Variants in CCDC141 observed in about 807,000 individuals in gnomAD.
CCDC141 encodes the protein coiled-coil domain containing 141.
In CCDC141, 168 loss-of-function variants were observed where a neutral mutation model predicts 181.0. The ratio of observed to expected loss-of-function variants is 0.93; its 90% confidence interval spans 0.82 to 1.05. The LOEUF is 1.05. Among genes scored for constraint, CCDC141 ranks in the 50% least tolerant of loss-of-function variants. The probability of loss-of-function intolerance (pLI) is 0.00; values close to 1 mark genes in which losing one functional copy is unlikely to be tolerated. For synonymous variants in CCDC141, 666 were observed against 642.3 expected (o/e 1.04, Z -0.56); for missense variants, 1,902 against 1,788.5 (o/e 1.06, Z -1.14).
chr2:178,881,955 ACACAC>A (rs1278224811), intron 11 of CCDC141, among the ~76,000 whole-genome samples: 2 of 149,618 alleles, frequency 1.3e-5, no homozygotes, highest in South Asian at 2.1e-4. Context: ...ACACACACAC[ACACAC>A]ACCAGTCTAC....
intron 6 of CCDC141, among the ~76,000 whole-genome samples, chr2:178,919,556 A>G (rs2154374695): frequency 6.6e-6 from 1 of 152,188 alleles, no homozygotes; most frequent in Non-Finnish European, 1.5e-5. Context: ...CTAAAAATAT[A>G]CCCCCTATAC....
At chr2:178,846,936 T>C (rs1438339510) in intron 21 of CCDC141, among the ~76,000 whole-genome samples, 1 of 152,210 alleles carries the variant, frequency 6.6e-6, no homozygotes, top group Non-Finnish European at 1.5e-5. Flanking sequence ...CCATTTTCTA[T>C]AACTTTGAAA....
intron 2 of CCDC141, among the ~76,000 whole-genome samples, chr2:178,981,636 G>GTGTGTGTATATATA (rs1313433628): frequency 1.6e-5 from 1 of 62,404 alleles, no homozygotes; most frequent in Non-Finnish European, 3.2e-5. Flanking sequence ...GTGTGTGTGT[G>GTGTGTGTATATATA]TATATATATA....
chr2:178,892,918 T>C (rs1460878748), intron 8 of CCDC141, among the ~76,000 whole-genome samples: 2 of 152,154 alleles, frequency 1.3e-5, no homozygotes, highest in African/African-American at 4.8e-5. Flanking sequence ...TGCAGCCTGA[T>C]TGGGTGGGAG....
chr2:179,019,178 G>A (rs1053787198), intron 2 of CCDC141, among the ~76,000 whole-genome samples: 1 of 151,986 alleles, frequency 6.6e-6, no homozygotes, highest in African/African-American at 2.4e-5. Flanking sequence ...AAGTCTTTTT[G>A]GTTCCCAACA....
rs544234087 is a variant in CCDC141 at position 179,005,022 on chromosome 2, G to A, written c.226-26347C>T. On this transcript the variant is annotated intron_variant, in intron 2 of 23. Coordinates refer to ENST00000443758, the MANE Select transcript of CCDC141 (RefSeq NM_173648.4). Reference sequence around the variant, plus strand: ...GCTGGGATTACTGGCATGAGCCACCGCCCCCGGCCTAAAGACTAAATTCTT... The same window carrying A: ...GCTGGGATTACTGGCATGAGCCACCACCCCCGGCCTAAAGACTAAATTCTT... 3.2e-4 allele frequency among the ~76,000 whole-genome samples: 49 copies of A among 152,180 alleles called. 1 individual carries two copies. In the South Asian group the frequency reaches 5.2e-3, roughly 16 times the overall value.
At chr2:179,044,537 G>T (rs2043422164) in intron 2 of CCDC141, among the ~76,000 whole-genome samples, 1 of 152,196 alleles carries the variant, frequency 6.6e-6, no homozygotes, top group Non-Finnish European at 1.5e-5. Flanking sequence ...CCTGGATGGA[G>T]TAGGGATGAA....
intron 2 of CCDC141, among the ~76,000 whole-genome samples, chr2:178,988,921 AG>A (rs1691893527): frequency 1.3e-5 from 2 of 152,200 alleles, no homozygotes. Context: ...GTCTCAAACT[AG>A]TGGAACTAGA....
At chr2:178,983,288 T>G (rs1479978187) in intron 2 of CCDC141, among the ~76,000 whole-genome samples, 37 of 152,174 alleles carry the variant, frequency 2.4e-4, no homozygotes, top group East Asian at 1.4e-3. Flanking sequence ...CAAACAGAAA[T>G]GACATCCACA....
chr2:178,826,072 T>C (rs1684121053), downstream of CCDC141, among the ~76,000 whole-genome samples: 1 of 152,226 alleles, frequency 6.6e-6, no homozygotes, highest in African/African-American at 2.4e-5. Flanking sequence ...TTATAAATGT[T>C]CTTTATCAAG....
chr2:178,925,466 A>G (rs1184173374), intron 6 of CCDC141, among the ~76,000 whole-genome samples: 1 of 152,230 alleles, frequency 6.6e-6, no homozygotes, highest in Non-Finnish European at 1.5e-5. Flanking sequence ...AAATCACAAC[A>G]CACTGTGCTC....
chr2:178,953,174 C>A (rs557346445), intron 5 of CCDC141, among the ~76,000 whole-genome samples: 1 of 152,220 alleles, frequency 6.6e-6, no homozygotes, highest in South Asian at 2.1e-4. Flanking sequence ...TGGTGGCTCA[C>A]GCCTATAATC....
chr2:179,004,154 T>C (rs1236656442), intron 2 of CCDC141, among the ~76,000 whole-genome samples: 2 of 152,154 alleles, frequency 1.3e-5, no homozygotes, highest in African/African-American at 4.8e-5. Flanking sequence ...CATGTTAAAA[T>C]AAGAATGAAA....
At chr2:178,841,367 G>A (rs1684709753) in intron 22 of CCDC141, among the ~76,000 whole-genome samples, 1 of 152,102 alleles carries the variant, frequency 6.6e-6, no homozygotes, top group African/African-American at 2.4e-5. Flanking sequence ...TTATGCCTAT[G>A]GCACTAACCT....
intron 2 of CCDC141, among the ~76,000 whole-genome samples, chr2:178,997,293 G>A (rs1377823484): frequency 6.6e-6 from 1 of 152,070 alleles, no homozygotes; most frequent in Non-Finnish European, 1.5e-5. Flanking sequence ...TCTGAATCTG[G>A]TGATTGCTCA....
chr2:178,992,598 T>C (rs937269881), intron 2 of CCDC141, among the ~76,000 whole-genome samples: 72 of 152,296 alleles, frequency 4.7e-4, no homozygotes, highest in African/African-American at 1.5e-3. Context: ...GCAATTAGGT[T>C]AGACTAATAA....
chr2:179,029,528 T>C (rs1244100769), intron 2 of CCDC141, among the ~76,000 whole-genome samples: 1 of 152,160 alleles, frequency 6.6e-6, no homozygotes, highest in African/African-American at 2.4e-5. Flanking sequence ...TTCAAGGGGG[T>C]AAAAACTTTA....
At chr2:178,859,316 T>C (rs1685505865) in intron 17 of CCDC141, among the ~76,000 whole-genome samples, 1 of 152,208 alleles carries the variant, frequency 6.6e-6, no homozygotes, top group Non-Finnish European at 1.5e-5. Context: ...CTTTCCAATA[T>C]GAAAACTTAA....
chr2:179,035,988 G>C (rs2043134412), intron 2 of CCDC141, among the ~76,000 whole-genome samples: 1 of 152,158 alleles, frequency 6.6e-6, no homozygotes, highest in South Asian at 2.1e-4. Context: ...AACCAAGCCA[G>C]GTTCTGTTCC....
Sources: allele counts gnomAD v4.1 joint callset (sites outside exome capture counted in the v4.1 genomes callset), GRCh38; gene constraint gnomAD v4.1.1; transcripts MANE v1.5; gene names NCBI Gene and HGNC (gene_info 2026-07-23, HGNC 2026-07-21).